Variants in KCNK2 observed in about 807,000 individuals in gnomAD.
KCNK2 encodes the protein potassium two pore domain channel subfamily K member 2, also known as potassium channel subfamily K member 2.
Under a neutral mutation model 40.5 loss-of-function variants are expected in KCNK2, and 21 were observed. The ratio of observed to expected loss-of-function variants is 0.52; its 90% CI spans 0.37 to 0.75. KCNK2 has a LOEUF of 0.75. Among genes scored for constraint, KCNK2 ranks in the 30% least tolerant of loss-of-function variants. The pLI, the probability that KCNK2 is intolerant of heterozygous loss-of-function variation, is 0.00. For synonymous variants in KCNK2, 191 were observed against 202.2 expected (o/e 0.94, Z 0.47); for missense variants, 399 against 531.6 (o/e 0.75, Z 2.45).
intron 6 of KCNK2, among the ~76,000 whole-genome samples, chr1:215,219,519 A>G (rs1360852650): frequency 6.6e-6 from 1 of 152,216 alleles, no homozygotes; most frequent in Non-Finnish European, 1.5e-5. Flanking sequence ...ATAAGGCTAA[A>G]TAGCACAGGG....
At chr1:215,113,628 G>A (rs1329526528) in intron 2 of KCNK2, among the ~76,000 whole-genome samples, 2 of 152,108 alleles carry the variant, frequency 1.3e-5, no homozygotes, top group Non-Finnish European at 2.9e-5. Flanking sequence ...ACAGAGTCTT[G>A]TTCTGTTGAC....
intron 1 of KCNK2, among the ~76,000 whole-genome samples, chr1:215,055,509 C>A (rs1658128248): frequency 6.6e-6 from 1 of 152,202 alleles, no homozygotes; most frequent in Non-Finnish European, 1.5e-5. Context: ...GGAAAGGAAC[C>A]TGCTTTTCTA....
chr1:215,059,841 A>G (rs754597362), intron 1 of KCNK2, among the ~76,000 whole-genome samples: 12 of 152,326 alleles, frequency 7.9e-5, no homozygotes, highest in Non-Finnish European at 1.0e-4. Context: ...TCTGAACCCC[A>G]GGACTTCAGA....
At chr1:215,087,392 A>C (rs920642819) in intron 2 of KCNK2, among the ~76,000 whole-genome samples, 1 of 152,292 alleles carries the variant, frequency 6.6e-6, no homozygotes, top group Non-Finnish European at 1.5e-5. Context: ...ATAGCAGAAC[A>C]ATATCCTTAC....
chr1:215,017,625 A>C (rs1014001274), intron 1 of KCNK2, among the ~76,000 whole-genome samples: 1 of 152,108 alleles, frequency 6.6e-6, no homozygotes, highest in African/African-American at 2.4e-5. Context: ...AAGGATACAA[A>C]ATTTCAGTTA....
intron 3 of KCNK2, among the ~76,000 whole-genome samples, chr1:215,135,470 A>G (rs1339059549): frequency 6.6e-6 from 1 of 152,040 alleles, no homozygotes; most frequent in Non-Finnish European, 1.5e-5. Context: ...TTATTAGTGT[A>G]AGCCAATATT....
intron 3 of KCNK2, among the ~76,000 whole-genome samples, chr1:215,154,302 T>C (rs1191071331): frequency 6.6e-6 from 1 of 152,204 alleles, no homozygotes; most frequent in Non-Finnish European, 1.5e-5. Context: ...TGGCATGAGA[T>C]GGTATCTCAC....
In KCNK2 at chr1:215,229,578, T is replaced by A. The variant is rs542046485; in HGVS notation, c.964-5250T>A. 4.2e-4 allele frequency among the ~76,000 whole-genome samples: 64 copies of A among 151,908 alleles called. 1 individual carries two copies. The highest frequency in any genetic ancestry group is 6.8e-3 in the Middle Eastern group (2 of 294). On this transcript the variant is annotated intron_variant, in intron 6 of 6. Coordinates refer to ENST00000444842, the MANE Select transcript of KCNK2 (RefSeq NM_001017425.3). Reference sequence around the variant, plus strand: ...ACTTGGAAGGCTAAGCCAGGAGGATTGCTTGAGCCCAGGAGGTCAAGGCTG... The same window carrying A: ...ACTTGGAAGGCTAAGCCAGGAGGATAGCTTGAGCCCAGGAGGTCAAGGCTG...
chr1:215,227,238 T>C (rs1194906853), intron 6 of KCNK2, among the ~76,000 whole-genome samples: 2 of 152,160 alleles, frequency 1.3e-5, no homozygotes, highest in African/African-American at 4.8e-5. Context: ...TGTTGAGCAG[T>C]AATGCTAAGG....
At chr1:215,088,507 T>C (rs1483514202) in intron 2 of KCNK2, among the ~76,000 whole-genome samples, 4 of 151,974 alleles carry the variant, frequency 2.6e-5, no homozygotes, top group Admixed American at 6.5e-5. Context: ...CTTCATTGGA[T>C]TGTAGCCTCT....
At chr1:215,075,883 C>G (rs757003669) in intron 1 of KCNK2, among the ~76,000 whole-genome samples, 7 of 152,180 alleles carry the variant, frequency 4.6e-5, no homozygotes, top group African/African-American at 1.7e-4. Context: ...GTGGTCCCTG[C>G]CCTAGCAGCA....
intron 1 of KCNK2, among the ~76,000 whole-genome samples, chr1:215,066,431 C>T (rs1380416470): frequency 1.3e-5 from 2 of 151,844 alleles, no homozygotes; most frequent in Non-Finnish European, 2.9e-5. Context: ...AATATGGATA[C>T]TGAGAAATAC....
At chr1:215,164,826 A>T (rs1350441656) in intron 3 of KCNK2, among the ~76,000 whole-genome samples, 1 of 152,138 alleles carries the variant, frequency 6.6e-6, no homozygotes, top group East Asian at 1.9e-4. Context: ...AGTCTCTTGC[A>T]GGTGTCCTCA....
intron 2 of KCNK2, among the ~76,000 whole-genome samples, chr1:215,124,144 C>T (rs1160775960): frequency 1.3e-5 from 2 of 152,118 alleles, no homozygotes; most frequent in Non-Finnish European, 2.9e-5. Context: ...GTTTTGCTAG[C>T]TCTTTATGAT....
At chr1:215,118,987 C>G (rs1327778433) in intron 2 of KCNK2, among the ~76,000 whole-genome samples, 1 of 152,100 alleles carries the variant, frequency 6.6e-6, no homozygotes, top group Admixed American at 6.6e-5. Flanking sequence ...ACATAAACAT[C>G]TCAGTATAGG....
chr1:215,181,585 C>T (rs1402181012), intron 5 of KCNK2, among the ~76,000 whole-genome samples: 1 of 152,010 alleles, frequency 6.6e-6, no homozygotes, highest in African/African-American at 2.4e-5. Flanking sequence ...CTCCTCTCCC[C>T]TGCTTTTTAC....
chr1:215,215,952 A>T (rs1665940977), intron 6 of KCNK2, among the ~76,000 whole-genome samples: 1 of 152,106 alleles, frequency 6.6e-6, no homozygotes, highest in Non-Finnish European at 1.5e-5. Context: ...CCTGTTTCTT[A>T]GGCATCGTCA....
In KCNK2 at chr1:215,169,385, G is replaced by A. The variant is rs533605610; in HGVS notation, c.636+26G>A. On this transcript the variant is annotated intron_variant, in intron 4 of 6. Transcript: ENST00000444842. ...GTGAGTATGATAGATATTTAACTAC[G>A]TATATTTATTGTTTGATTTTTTTAA... 1.2e-4 allele frequency: 186 copies of A among 1,527,812 alleles called. No individual in the cohort carries two copies. In the East Asian group the frequency reaches 3.6e-3, roughly 30 times the overall value. The allele number at this position is 1,527,812 out of a possible 1,614,324, so 94.6% of individuals were successfully genotyped here.
chr1:215,083,096 C>CG lies in KCNK2; in HGVS notation c.-285dup. ...ACCCGGGCCCGGCAGCAGGCGCGCG[C>CG]GGGGGCGGCGGCGCCCAAGCCCAAC... On this transcript the variant is annotated 5_prime_UTR_variant, in exon 1 of 7. Coordinates refer to ENST00000444842, the MANE Select transcript of KCNK2 (RefSeq NM_001017425.3). 1 of 462,560 alleles carries CG rather than the reference C, an allele frequency of 2.2e-6. No homozygotes were observed. The highest frequency in any genetic ancestry group is 3.7e-6 in the Non-Finnish European group (1 of 270,022). The allele number at this position is 462,560 out of a possible 1,614,324, so 28.7% of individuals were successfully genotyped here.
Sources: allele counts gnomAD v4.1 joint callset (sites outside exome capture counted in the v4.1 genomes callset), GRCh38; gene constraint gnomAD v4.1.1; transcripts MANE v1.5; gene names NCBI Gene and HGNC (gene_info 2026-07-23, HGNC 2026-07-21).